RIF1: variants seen among roughly 807,000 people sequenced by gnomAD.
RIF1 encodes the protein telomere-associated protein RIF1.
Under a neutral mutation model 247.1 loss-of-function variants are expected in RIF1, and 45 were observed. The ratio of observed to expected loss-of-function variants is 0.18; its 90% CI spans 0.14 to 0.23. RIF1 has a LOEUF of 0.23. RIF1 is among the 10% of genes least tolerant of loss of function. The pLI is 1.00. For synonymous variants in RIF1, 1,087 were observed against 978.8 expected (o/e 1.11, Z -2.06); for missense variants, 2,967 against 2,862.5 (o/e 1.04, Z -0.83).
rs770603468 is a variant in RIF1 at position 151,443,684 on chromosome 2, C to T, written c.1961C>T (p.Thr654Ile). 2.5e-6 allele frequency: 4 copies of T among 1,589,860 alleles called. No individual in the cohort carries two copies. Among genetic ancestry groups the T allele is most frequent in the Admixed American group, 3.7e-5 (2 of 53,352 alleles). Residue 654 changes from threonine to isoleucine, a missense_variant, in exon 18 of 36, where the codon ACC becomes ATC. Thr to Ile is a moderately conservative substitution (Grantham distance 89, BLOSUM62 -1). Transcript: ENST00000444746. The part of the protein sequence containing the change: ...HLWKMWSVIV[T>I]PLTELINQTN... ...TGGAAAATGTGGAGTGTTATAGTCACCCCATTAACTGAATTGATTAATCAG... is the reference window on the plus strand; with the variant it reads ...TGGAAAATGTGGAGTGTTATAGTCATCCCATTAACTGAATTGATTAATCAG...
chr2:151,446,866 C>T (rs1195040920), intron 20 of RIF1, among the ~76,000 whole-genome samples: 2 of 151,952 alleles, frequency 1.3e-5, no homozygotes, highest in Non-Finnish European at 1.5e-5. Flanking sequence ...CTCACTTTCT[C>T]ATACGTATCT....
chr2:151,488,464 TAGTG>T (rs1380927003), intron 9 of RIF1, among the ~76,000 whole-genome samples: 1 of 141,716 alleles, frequency 7.1e-6, no homozygotes, highest in Non-Finnish European at 1.5e-5. Context: ...CTGGGCAACA[TAGTG>T]AGCCTCTACC....
chr2:151,458,030 A>AT, intron 24 of RIF1, 67 bp downstream of exon 24: 1 of 1,141,046 alleles, frequency 8.8e-7, no homozygotes, highest in Non-Finnish European at 1.2e-6. Flanking sequence ...TGATACTTTG[A>AT]TTCAAATAAT....
chr2:151,461,583 G>T (rs1444700602), intron 27 of RIF1, among the ~76,000 whole-genome samples: 1 of 151,788 alleles, frequency 6.6e-6, no homozygotes, highest in African/African-American at 2.4e-5. Flanking sequence ...TAGTAGAGAC[G>T]GGGTTTCACC....
chr2:151,442,341 G>C (rs1444005733), intron 16 of RIF1, among the ~76,000 whole-genome samples: 3 of 149,676 alleles, frequency 2.0e-5, no homozygotes, highest in African/African-American at 4.9e-5. Context: ...TCCAAATCCT[G>C]GGATTACAGG....
chr2:151,454,356 TTTTC>T (rs1424671183), intron 21 of RIF1, among the ~76,000 whole-genome samples: 1 of 152,172 alleles, frequency 6.6e-6, no homozygotes, highest in Non-Finnish European at 1.5e-5. Flanking sequence ...GGACAAATCT[TTTTC>T]TTTATATCTA....
At chr2:151,486,176 CAAAAGAGG>C, downstream of RIF1, 1 of 447,138 alleles carries the variant, frequency 2.2e-6, no homozygotes, top group Non-Finnish European at 4.0e-6. Flanking sequence ...CTTCCCCCAC[CAAAAGAGG>C]CAAAGGATAT....
chr2:151,525,940 C>G, the RIF1 span: 971,560 of 1,588,490 alleles, frequency 0.61, 300,328 homozygotes, highest in Admixed American at 0.72. Context: ...GCCAAGAGAC[C>G]GGTGGTTGAT....
the RIF1 span, among the ~76,000 whole-genome samples, chr2:151,520,281 G>A: frequency 6.6e-6 from 1 of 151,958 alleles, no homozygotes; most frequent in African/African-American, 2.4e-5. Flanking sequence ...TATTAAACTT[G>A]GCCAAAAATG....
At chr2:151,455,751 A>G (rs1695084382) in intron 22 of RIF1, among the ~76,000 whole-genome samples, 1 of 152,108 alleles carries the variant, frequency 6.6e-6, no homozygotes, top group African/African-American at 2.4e-5. Flanking sequence ...TCTTGGCAGG[A>G]GGGTGGTCCT....
At chr2:151,426,671 T>G (rs1192850712) in intron 8 of RIF1, among the ~76,000 whole-genome samples, 1 of 147,016 alleles carries the variant, frequency 6.8e-6, no homozygotes, top group African/African-American at 2.5e-5. Flanking sequence ...TTTTTTTTTG[T>G]TTTTTTTTTA....
At chr2:151,526,145 G>A in the RIF1 span, 553 of 1,613,398 alleles carry the variant, frequency 3.4e-4, 3 homozygotes, top group African/African-American at 6.3e-3. Context: ...ACTCATGGGC[G>A]GCTGGGGGTT....
chr2:151,489,172 C>T lies in RIF1; in HGVS notation c.*415+5837C>T, dbSNP rs2053922632. ...TAGGTCTAACACTTATTTAGACCTT[C>T]TTGTATGTCATTTAATAAAGACAGT... is the stretch of plus-strand genomic sequence containing the variant. On this transcript the variant is annotated intron_variant and NMD_transcript_variant, in intron 9 of 13. Coordinates refer to the RIF1 transcript ENST00000454583. Among the ~76,000 whole-genome samples, 5 of 152,154 alleles carry T rather than the reference C, an allele frequency of 3.3e-5. No homozygotes were observed. The South Asian group carries it at 1.0e-3, about 32-fold the overall frequency.
At chr2:151,526,272 C>A in the RIF1 span, 1 of 1,582,306 alleles carries the variant, frequency 6.3e-7, no homozygotes, top group Non-Finnish European at 8.7e-7. Flanking sequence ...GCTTCAGGGG[C>A]AGGAAAAGGG....
chr2:151,510,748 G>C (rs2073581634), downstream of RIF1, among the ~76,000 whole-genome samples: 1 of 152,072 alleles, frequency 6.6e-6, no homozygotes, highest in Non-Finnish European at 1.5e-5. Context: ...GTATATATAG[G>C]GTTAGGTATT....
At position 151,502,734 on chromosome 2, in the gene RIF1, G is replaced by GTGTT; in HGVS notation, c.*710-299_*710-296dup. 9 of 888,316 alleles carry GTGTT rather than the reference G, an allele frequency of 1.0e-5. No individual in the cohort carries two copies. The South Asian group carries it at 1.2e-4, about 12-fold the overall frequency. The allele number at this position is 888,316 out of a possible 1,614,324, so 55.0% of individuals were successfully genotyped here. On this transcript the variant is annotated intron_variant and NMD_transcript_variant, in intron 11 of 13. Coordinates refer to the RIF1 transcript ENST00000454583. ...AATTTAGTAATTTTACATTTGTAAG[G>GTGTT]TGTTATTATTTTAAATAAAATTAAG...
intron 30 of RIF1, among the ~76,000 whole-genome samples, chr2:151,466,711 TTGAA>T (rs1297390977): frequency 1.3e-5 from 2 of 152,228 alleles, no homozygotes; most frequent in Non-Finnish European, 2.9e-5. Flanking sequence ...ACATAGTTTG[TTGAA>T]TGAATGAATA....
the RIF1 span, chr2:151,524,572 T>A: frequency 6.2e-7 from 1 of 1,612,078 alleles, no homozygotes; most frequent in Non-Finnish European, 8.5e-7. Flanking sequence ...GATCAGCCAC[T>A]GTGGTGTAAT....
In RIF1 at chr2:151,470,961, G is replaced by T. The variant is rs140037920; in HGVS notation, c.7095+1097G>T. On this transcript the variant is annotated intron_variant, in intron 34 of 35. Transcript: ENST00000444746. ...TCGTGTAAAATTCACCTACCCTATG[G>T]GTGCAGTTAGTTTTTAATATATTCA... 2.2e-3 allele frequency among the ~76,000 whole-genome samples: 339 copies of T among 151,886 alleles called. 7 individuals carry two copies. The East Asian group carries it at 0.043, about 19-fold the overall frequency.
Sources: gnomAD v4.1 joint callset for allele counts (sites outside exome capture counted in the v4.1 genomes callset) on GRCh38, gnomAD v4.1.1 for gene constraint, MANE v1.5 for transcripts, NCBI Gene and HGNC (gene_info 2026-07-23, HGNC 2026-07-21) for gene names.